Variants in CCL26 observed in about 807,000 individuals in gnomAD.
The protein encoded by CCL26 is C-C motif chemokine ligand 26, also known as C-C motif chemokine 26.
Under a neutral mutation model 10.7 loss-of-function variants are expected in CCL26, and 10 were observed. The ratio of observed to expected loss-of-function variants is 0.93; its 90% confidence interval spans 0.57 to 1.58. CCL26 has a LOEUF of 1.58. CCL26 is among the 40% of genes most tolerant of loss of function. The pLI, the probability that CCL26 is intolerant of heterozygous loss-of-function variation, is 0.00. For synonymous variants in CCL26, 43 were observed against 41.4 expected (o/e 1.04, Z -0.15); for missense variants, 116 against 111.0 (o/e 1.05, Z -0.20).
At position 75,772,161 on chromosome 7, in the gene CCL26, A is replaced by C. The variant is rs917316084; in HGVS notation, c.16T>G (p.Leu6Val). Residue 6 changes from leucine to valine, a missense_variant, in exon 1 of 3, where the codon TTG becomes GTG. By Grantham distance (32) the Leu-to-Val change is conservative (BLOSUM62 1). Coordinates refer to ENST00000005180, the MANE Select transcript of CCL26 (RefSeq NM_001371938.1). MMGLS[L>V]ASAVLLASLL... ...GAGGCCAGGAGCACAGCAGAGGCCA[A>C]GGAGAGGCCCATCATGATGCTGCAA... 6.4e-7 allele frequency: 1 copy of C among 1,552,474 alleles called. No homozygotes were observed.
At chr7:75,785,845 G>T (rs1053052081) in intron 1 of CCL26, among the ~76,000 whole-genome samples, 1 of 152,162 alleles carries the variant, frequency 6.6e-6, no homozygotes, top group South Asian at 2.1e-4. Flanking sequence ...GTGCAGGGCT[G>T]TGCAGTTGGA....
In CCL26 at chr7:75,778,170, C is replaced by T. The variant is rs192550501; in HGVS notation, c.-78-5916G>A. Among the ~76,000 whole-genome samples, 12 of 152,210 alleles carry T rather than the reference C, an allele frequency of 7.9e-5. No individual in the cohort carries two copies. The East Asian group carries it at 1.7e-3, about 22-fold the overall frequency. On this transcript the variant is annotated intron_variant, in intron 1 of 3. Coordinates refer to the CCL26 transcript ENST00000394905. ...CAATTTACATTCCCACCAACAGAGTCGAGGGTTCCCTTGTCTCCACATCTC... is the reference window on the plus strand; with the variant it reads ...CAATTTACATTCCCACCAACAGAGTTGAGGGTTCCCTTGTCTCCACATCTC...
Position 75,781,041 on chromosome 7 carries a change from A to G in CCL26, c.-79+8676T>C, listed in dbSNP as rs376129705. Among the ~76,000 whole-genome samples the G allele has an allele frequency of 1.2e-4, 18 of 152,290 alleles. No individual in the cohort carries two copies. In the South Asian group the frequency reaches 2.5e-3, roughly 21 times the overall value. ...AATCAGTTAGCATTTAGGCTCTTTC[A>G]TCAAATATGAAAAACCCAGCCCAGT... On this transcript the variant is annotated intron_variant, in intron 1 of 3. Coordinates refer to the CCL26 transcript ENST00000394905.
chr7:75,784,332 C>T (rs1344142599), intron 1 of CCL26, among the ~76,000 whole-genome samples: 1 of 152,204 alleles, frequency 6.6e-6, no homozygotes, highest in African/African-American at 2.4e-5. Flanking sequence ...CTCCCAGAGC[C>T]CCTGGAACTC....
intron 1 of CCL26, among the ~76,000 whole-genome samples, chr7:75,782,268 G>A (rs190156269): frequency 1.7e-4 from 26 of 152,192 alleles, no homozygotes; most frequent in African/African-American, 5.5e-4. Flanking sequence ...TCACGGACTC[G>A]GGAAGGCAGC....
At chr7:75,778,940 A>G (rs1433839548) in intron 1 of CCL26, among the ~76,000 whole-genome samples, 2 of 152,150 alleles carry the variant, frequency 1.3e-5, no homozygotes, top group African/African-American at 2.4e-5. Flanking sequence ...AAGCTAAGCC[A>G]TCATATCCCC....
At chr7:75,787,265 A>C (rs562575874) in intron 1 of CCL26, among the ~76,000 whole-genome samples, 4 of 152,094 alleles carry the variant, frequency 2.6e-5, no homozygotes, top group African/African-American at 9.7e-5. Context: ...GCAGTTTCTC[A>C]GGCTCTTGGT....
upstream of CCL26, among the ~76,000 whole-genome samples, chr7:75,774,686 T>C (rs1218346938): frequency 3.3e-5 from 5 of 152,146 alleles, no homozygotes; most frequent in Non-Finnish European, 7.3e-5. Context: ...CCTCAACTGA[T>C]CTGCCCGCCT....
chr7:75,785,727 A>G (rs1803169787), intron 1 of CCL26, among the ~76,000 whole-genome samples: 1 of 152,104 alleles, frequency 6.6e-6, no homozygotes, highest in South Asian at 2.1e-4. Flanking sequence ...TATCGATCCT[A>G]AATCCTTTCC....
chr7:75,777,240 A>G (rs886778967), intron 1 of CCL26, among the ~76,000 whole-genome samples: 1 of 152,182 alleles, frequency 6.6e-6, no homozygotes, highest in African/African-American at 2.4e-5. Flanking sequence ...CTTAAAAAAC[A>G]AAAACAAAAA....
intron 1 of CCL26, among the ~76,000 whole-genome samples, chr7:75,781,740 C>T (rs1444614568): frequency 6.6e-6 from 1 of 152,114 alleles, no homozygotes. Context: ...GTGACCCCCG[C>T]CCCTGCCCGC....
intron 1 of CCL26, among the ~76,000 whole-genome samples, chr7:75,784,545 C>G (rs1179894531): frequency 6.6e-6 from 1 of 152,160 alleles, no homozygotes; most frequent in Non-Finnish European, 1.5e-5. Context: ...GGCCTTTTTC[C>G]TTTGCCTCCA....
intron 2 of CCL26, among the ~76,000 whole-genome samples, chr7:75,770,731 C>T (rs555734462): frequency 6.6e-6 from 1 of 152,176 alleles, no homozygotes; most frequent in South Asian, 2.1e-4. Context: ...GGCTGGAGTG[C>T]AGTGGCGCGA....
intron 1 of CCL26, among the ~76,000 whole-genome samples, chr7:75,787,864 G>A (rs926909655): frequency 7.9e-5 from 12 of 151,742 alleles, no homozygotes; most frequent in Admixed American, 1.3e-4. Flanking sequence ...TCTCTTATTC[G>A]GAACTTGTGT....
In CCL26 at chr7:75,769,563, A is replaced by C. The variant is rs2115626970; in HGVS notation, c.*130T>G. 1 of 584,398 alleles carries C rather than the reference A, an allele frequency of 1.7e-6. No individual in the cohort carries two copies. Among genetic ancestry groups the C allele is most frequent in the Admixed American group, 3.0e-5 (1 of 32,994 alleles). The allele number at this position is 584,398 out of a possible 1,614,324, so 36.2% of individuals were successfully genotyped here. On this transcript the variant is annotated 3_prime_UTR_variant, in exon 3 of 3. Transcript: ENST00000005180. The stretch of plus-strand genomic sequence containing the variant: ...TCTATGAACAACCTTTATTAAAGTA[A>C]CTCTGGGAGGAAACACCCTCTCCTC...
chr7:75,775,662 C>A (rs1554528629), upstream of CCL26, among the ~76,000 whole-genome samples: 2 of 152,130 alleles, frequency 1.3e-5, no homozygotes, highest in Non-Finnish European at 2.9e-5. Context: ...GTGTTATGAT[C>A]AAACTGAGGG....
In CCL26 at chr7:75,769,594, C is replaced by T. The variant is rs1802777573; in HGVS notation, c.*99G>A. Reference sequence around the variant, plus strand: ...GGAGGAAACACCCTCTCCTCCCCAGCGGGTCCATGTAGCCTTCAGAAAAGA... The same window carrying T: ...GGAGGAAACACCCTCTCCTCCCCAGTGGGTCCATGTAGCCTTCAGAAAAGA... On this transcript the variant is annotated 3_prime_UTR_variant, in exon 3 of 3. Transcript: ENST00000005180. 2.9e-6 allele frequency: 2 copies of T among 681,578 alleles called. No individual in the cohort carries two copies. The highest frequency in any genetic ancestry group is 1.8e-5 in the African/African-American group (1 of 56,230). 42.2% of individuals were successfully genotyped at this position (681,578 alleles called of 1,614,324 possible).
At chr7:75,790,900 C>T (rs575282858), upstream of CCL26, among the ~76,000 whole-genome samples, 7 of 149,968 alleles carry the variant, frequency 4.7e-5, no homozygotes, top group South Asian at 2.2e-4. Context: ...GCCAAGATTA[C>T]GCCACTGCAC....
At chr7:75,785,534 T>C (rs901285601) in intron 1 of CCL26, among the ~76,000 whole-genome samples, 3 of 152,188 alleles carry the variant, frequency 2.0e-5, no homozygotes, top group African/African-American at 7.2e-5. Context: ...TAATTCTTCA[T>C]AAAAACACAC....
Sources: allele counts gnomAD v4.1 joint callset (sites outside exome capture counted in the v4.1 genomes callset), GRCh38; gene constraint gnomAD v4.1.1; transcripts MANE v1.5; gene names NCBI Gene and HGNC (gene_info 2026-07-23, HGNC 2026-07-21).